Variants in PIK3R6 observed in about 807,000 individuals in gnomAD.
The protein encoded by PIK3R6 is phosphoinositide-3-kinase regulatory subunit 6, also known as phosphoinositide 3-kinase regulatory subunit 6.
PIK3R6 carries 91 observed loss-of-function variants against 84.9 expected under a neutral mutation model. The ratio of observed to expected loss-of-function variants is 1.07; its 90% CI spans 0.90 to 1.28. The LOEUF (loss-of-function observed/expected upper bound fraction) is 1.28, where lower values mean the gene tolerates loss of function less well. Ranked by LOEUF, PIK3R6 falls within the 50% of genes most tolerant of loss-of-function variation. The pLI is 0.00. For missense variants in PIK3R6, 996 were observed against 985.1 expected (o/e 1.01, Z -0.15); for synonymous variants, 416 against 411.4 (o/e 1.01, Z -0.13).
At chr17:8,815,031 A>G (rs1347260064) in intron 18 of PIK3R6, among the ~76,000 whole-genome samples, 1 of 152,220 alleles carries the variant, frequency 6.6e-6, no homozygotes, top group Admixed American at 6.5e-5. Flanking sequence ...AGAAATCCAG[A>G]CAGAATCGAC....
intron 17 of PIK3R6, among the ~76,000 whole-genome samples, chr17:8,819,709 T>C (rs899165250): frequency 2.9e-4 from 41 of 139,312 alleles, no homozygotes; most frequent in East Asian, 8.4e-4. Context: ...CACACACACA[T>C]ATATATACAT....
intron 4 of PIK3R6, 94 bp from the exon 5 acceptor site, chr17:8,837,965 G>A (rs1484996839): frequency 2.7e-6 from 3 of 1,092,364 alleles, no homozygotes; most frequent in African/African-American, 1.5e-5. Context: ...GCAGGAGATG[G>A]GGTGGAAGGC....
intron 18 of PIK3R6, among the ~76,000 whole-genome samples, chr17:8,813,025 G>A (rs192671849): frequency 2.1e-3 from 315 of 152,018 alleles, no homozygotes; most frequent in Non-Finnish European, 3.4e-3. Context: ...AAAGAGAGAA[G>A]AATCAAATAA....
intron 17 of PIK3R6, among the ~76,000 whole-genome samples, chr17:8,819,608 G>A (rs914903603): frequency 6.6e-6 from 1 of 150,938 alleles, no homozygotes; most frequent in Admixed American, 6.7e-5. Flanking sequence ...TGGGTGAGGA[G>A]GGCATCAGTG....
rs976360997 is a variant in PIK3R6 at position 8,842,740 on chromosome 17, G to A, written c.14-3043C>T. ...CTATCAGGAAACTTACGGTCAAATT[G>A]GGGCCCAGCCTCAAAAATTAGCTCA... On this transcript the variant is annotated intron_variant, in intron 2 of 19. Coordinates refer to ENST00000619866, the MANE Select transcript of PIK3R6 (RefSeq NM_001010855.4). This position sits in a 1 kb window ranked among gnomAD's most constrained non-coding sequence, Gnocchi z 4.5. Among the ~76,000 whole-genome samples the A allele has an allele frequency of 1.3e-5, 2 of 152,030 alleles. No individual in the cohort carries two copies. Among genetic ancestry groups the A allele is most frequent in the African/African-American group, 4.8e-5 (2 of 41,384 alleles).
At chr17:8,834,325 A>G (rs1386056397) in intron 8 of PIK3R6, among the ~76,000 whole-genome samples, 2 of 151,944 alleles carry the variant, frequency 1.3e-5, no homozygotes, top group Non-Finnish European at 2.9e-5. Flanking sequence ...AATGAGAGGG[A>G]AAGTTAGGAG....
intron 2 of PIK3R6, among the ~76,000 whole-genome samples, chr17:8,845,540 C>T (rs2088795466): frequency 6.6e-6 from 1 of 152,000 alleles, no homozygotes; most frequent in Admixed American, 6.6e-5. Flanking sequence ...GTGTAAATTC[C>T]TTATATATTC....
chr17:8,806,878 G>C (rs936366754), intron 18 of PIK3R6, among the ~76,000 whole-genome samples: 45 of 152,304 alleles, frequency 3.0e-4, no homozygotes, highest in African/African-American at 1.1e-3. Flanking sequence ...CCCCTCAGTG[G>C]TTATCATCCA....
chr17:8,828,372 G>A (rs1167101452), intron 11 of PIK3R6, among the ~76,000 whole-genome samples, 182 bp from the exon 12 acceptor site: 1 of 151,918 alleles, frequency 6.6e-6, no homozygotes, highest in East Asian at 2.0e-4. Flanking sequence ...GAGGGTTCAC[G>A]GAGCTAACGA....
Position 8,862,607 on chromosome 17 carries a change from C to T in PIK3R6, c.-92+4922G>A, listed in dbSNP as rs1281643417. 6.6e-6 allele frequency among the ~76,000 whole-genome samples: 1 copy of T among 152,136 alleles called. No homozygotes were observed. Among genetic ancestry groups the T allele is most frequent in the Non-Finnish European group, 1.5e-5 (1 of 68,030 alleles). On this transcript the variant is annotated intron_variant, in intron 1 of 19. Transcript: ENST00000619866. The surrounding 1 kb of genome is among the most constrained non-coding windows in gnomAD (Gnocchi z 4.3). The stretch of plus-strand genomic sequence containing the variant: ...CGGGCCGTATCACGGACAGCTAAGG[C>T]TGCAATGTTTGACTGCTGCTTTTGT...
chr17:8,861,218 G>A (rs185914797), intron 1 of PIK3R6, among the ~76,000 whole-genome samples: 131 of 151,662 alleles, frequency 8.6e-4, no homozygotes, highest in African/African-American at 2.9e-3. Context: ...GAAAGCAGAC[G>A]TGTTGGCAAT....
chr17:8,817,081 A>G (rs2087565083), intron 18 of PIK3R6, among the ~76,000 whole-genome samples: 1 of 152,242 alleles, frequency 6.6e-6, no homozygotes, highest in South Asian at 2.1e-4. Context: ...ATGCTTAATG[A>G]CACAAAACAT....
chr17:8,844,813 G>T lies in PIK3R6; in HGVS notation c.13+4969C>A, dbSNP rs535689844. ...CACACTAACTAGTTTTTCAACTCTT[G>T]CCCCTTTCCCTCCCTCCCCATTCTA... is the stretch of plus-strand genomic sequence containing the variant. On this transcript the variant is annotated intron_variant, in intron 2 of 19. Transcript: ENST00000619866. This position sits in a 1 kb window ranked among gnomAD's most constrained non-coding sequence, Gnocchi z 4.5. Among the ~76,000 whole-genome samples the T allele has an allele frequency of 2.6e-5, 4 of 151,704 alleles. No individual in the cohort carries two copies. In the South Asian group the frequency reaches 8.4e-4, roughly 32 times the overall value.
chr17:8,838,272 T>A (rs2088552120), intron 4 of PIK3R6: 1 of 451,580 alleles, frequency 2.2e-6, no homozygotes, highest in Non-Finnish European at 4.0e-6. Context: ...ACGTCAATAG[T>A]CGTATATTTA....
At chr17:8,817,660 CA>C (rs201387444) in intron 18 of PIK3R6, among the ~76,000 whole-genome samples, 2,144 of 150,508 alleles carry the variant, frequency 0.014, 60 homozygotes, top group African/African-American at 0.05. Flanking sequence ...CAAAACAAAA[CA>C]AAAAAAACAA....
intron 17 of PIK3R6, among the ~76,000 whole-genome samples, chr17:8,819,833 CACACACATATATATGTATATATAG>C (rs1191907749): frequency 3.5e-5 from 5 of 143,726 alleles, no homozygotes; most frequent in Admixed American, 7.0e-5. Context: ...TACGTATATA[CACACACATATATATGTATATATAG>C]ACACACATAT....
At chr17:8,819,225 T>A (rs2087639300) in intron 17 of PIK3R6, 27 bp from the exon 18 acceptor site, 4 of 1,524,060 alleles carry the variant, frequency 2.6e-6, no homozygotes, top group African/African-American at 1.4e-5. Context: ...GGGCTGTAAA[T>A]GGACCTCCAG....
chr17:8,850,310 A>AAG (rs1252861651), intron 1 of PIK3R6, among the ~76,000 whole-genome samples: 4 of 151,864 alleles, frequency 2.6e-5, no homozygotes, highest in African/African-American at 9.7e-5. Context: ...CAAAAAAAAA[A>AAG]AAAAAAGAAA....
At chr17:8,848,769 C>A (rs1013049823) in intron 2 of PIK3R6, among the ~76,000 whole-genome samples, 8 of 152,146 alleles carry the variant, frequency 5.3e-5, no homozygotes, top group African/African-American at 1.9e-4. Flanking sequence ...ATTGTAACAC[C>A]AGGATTCACT....
Sources: gnomAD v4.1 joint callset for allele counts (sites outside exome capture counted in the v4.1 genomes callset) on GRCh38, gnomAD v4.1.1 for gene constraint, Gnocchi (gnomAD v3.1) non-coding constraint, MANE v1.5 for transcripts, NCBI Gene and HGNC (gene_info 2026-07-23, HGNC 2026-07-21) for gene names.